The following CSMD2 variants were observed in gnomAD, a reference collection of about 807,000 sequenced individuals.
CSMD2 encodes CUB and sushi domain-containing protein 2.
Under a neutral mutation model 398.5 loss-of-function variants are expected in CSMD2, and 130 were observed. That is an observed-to-expected ratio of 0.33 (90% CI 0.28 to 0.38). The LOEUF is 0.38. Among genes scored for constraint, CSMD2 ranks in the 10% least tolerant of loss-of-function variants. CSMD2 has a pLI of 1.00. For synonymous variants in CSMD2, 1,828 were observed against 1,908.5 expected, an observed-to-expected ratio of 0.96 and a Z score of 1.10; for missense variants, 3,829 against 4,764.9, an observed-to-expected ratio of 0.80 and a Z score of 5.78.
chr1:33,910,097 A>G (rs538249779), intron 5 of CSMD2, among the ~76,000 whole-genome samples: 1 of 152,162 alleles, frequency 6.6e-6, no homozygotes, highest in South Asian at 2.1e-4. Context: ...CAGAGTCACA[A>G]AAAAAGTTTT....
intron 2 of CSMD2, among the ~76,000 whole-genome samples, chr1:34,053,266 G>A (rs769664947): frequency 1.6e-4 from 24 of 152,198 alleles, no homozygotes; most frequent in Non-Finnish European, 2.2e-4. Flanking sequence ...AATTGATACC[G>A]TAAGTGACCT....
At chr1:34,086,229 T>A (rs983415918) in intron 2 of CSMD2, among the ~76,000 whole-genome samples, 2 of 152,012 alleles carry the variant, frequency 1.3e-5, no homozygotes, top group African/African-American at 2.4e-5. Context: ...TCAACATTCA[T>A]CAAAAGTCTA....
At chr1:33,735,819 A>C (rs551972610) in intron 15 of CSMD2, among the ~76,000 whole-genome samples, 1 of 152,356 alleles carries the variant, frequency 6.6e-6, no homozygotes, top group South Asian at 2.1e-4. Flanking sequence ...GGGACACTTA[A>C]TCAAAAACAA....
intron 4 of CSMD2, among the ~76,000 whole-genome samples, chr1:33,929,819 G>A (rs899929371): frequency 6.6e-6 from 1 of 150,984 alleles, no homozygotes; most frequent in Non-Finnish European, 1.5e-5. Flanking sequence ...CAGGGCCTTT[G>A]CACTTGCTGC....
At chr1:33,965,365 G>A (rs1037184590) in intron 3 of CSMD2, among the ~76,000 whole-genome samples, 2 of 152,150 alleles carry the variant, frequency 1.3e-5, no homozygotes, top group African/African-American at 2.4e-5. Flanking sequence ...TTATGCAAGA[G>A]AACAAATGCA....
At chr1:34,075,761 C>T (rs1328129719) in intron 2 of CSMD2, among the ~76,000 whole-genome samples, 1 of 152,204 alleles carries the variant, frequency 6.6e-6, no homozygotes, top group Non-Finnish European at 1.5e-5. Flanking sequence ...AACTGCAATG[C>T]AATAGGATGT....
intron 6 of CSMD2, among the ~76,000 whole-genome samples, chr1:33,826,637 C>T (rs191556374): frequency 3.9e-5 from 6 of 152,340 alleles, no homozygotes; most frequent in African/African-American, 1.4e-4. Context: ...TAAGTCCAGC[C>T]TAGTCCTCAG....
At chr1:33,674,744 T>C (rs1302961415) in intron 25 of CSMD2, among the ~76,000 whole-genome samples, 1 of 152,096 alleles carries the variant, frequency 6.6e-6, no homozygotes, top group East Asian at 1.9e-4. Flanking sequence ...AGAACAGAAA[T>C]TATAACAAAC....
intron 67 of CSMD2, among the ~76,000 whole-genome samples, chr1:33,522,998 C>A (rs958067360): frequency 3.9e-5 from 6 of 152,218 alleles, no homozygotes; most frequent in Non-Finnish European, 7.3e-5. Context: ...CACATTAATA[C>A]CTTCAACTAG....
In CSMD2 at chr1:33,810,608, A is replaced by AT. The variant is rs1656752825; in HGVS notation, c.1446+134dup. 1.1e-5 allele frequency: 8 copies of AT among 731,942 alleles called. 1 individual carries two copies. The South Asian group carries it at 1.2e-4, about 11-fold the overall frequency. 45.3% of individuals were successfully genotyped at this position (731,942 alleles called of 1,614,324 possible). A position where few individuals can be genotyped will look rare whatever the true frequency, so the allele number is the denominator to read the frequency against. On this transcript the variant is annotated intron_variant, in intron 10 of 70. Coordinates refer to ENST00000373381, the MANE Select transcript of CSMD2 (RefSeq NM_001281956.2). ...TCTGCTTTTTATCCACTCGATATTA[A>AT]TAAAAAAAAAAGTAAAAGAACTGTC...
intron 44 of CSMD2, chr1:33,599,087 G>C (rs1182012113): frequency 6.6e-6 from 1 of 152,264 alleles, no homozygotes; most frequent in Non-Finnish European, 1.5e-5. Flanking sequence ...CACCTTGGGG[G>C]TTAGGATGTC....
At chr1:34,012,954 C>T (rs1348321062) in intron 3 of CSMD2, among the ~76,000 whole-genome samples, 1 of 152,162 alleles carries the variant, frequency 6.6e-6, no homozygotes, top group East Asian at 1.9e-4. Context: ...CCTGGGGTTC[C>T]CATCTGCAAT....
At chr1:33,978,362 C>A (rs903921110) in intron 3 of CSMD2, among the ~76,000 whole-genome samples, 2 of 152,098 alleles carry the variant, frequency 1.3e-5, no homozygotes, top group East Asian at 3.9e-4. Flanking sequence ...TATTTAGCAC[C>A]GTGTTCCAGG....
intron 1 of CSMD2, among the ~76,000 whole-genome samples, chr1:34,137,334 G>A (rs562905540): frequency 4.9e-4 from 75 of 151,862 alleles, no homozygotes; most frequent in African/African-American, 1.8e-3. Context: ...TTTTCAACAA[G>A]GCCCACTAAG....
intron 10 of CSMD2, chr1:33,805,038 C>T: frequency 1.6e-6 from 1 of 617,342 alleles, no homozygotes; most frequent in Non-Finnish European, 2.9e-6. Flanking sequence ...TCTTTAGAAA[C>T]TCAGGCTGGT....
intron 25 of CSMD2, among the ~76,000 whole-genome samples, chr1:33,669,932 A>G (rs913976620): frequency 6.6e-6 from 1 of 152,206 alleles, no homozygotes. Flanking sequence ...AAGCTATGAG[A>G]CACATGAGAC....
At chr1:33,557,130 C>G (rs1021772672) in intron 55 of CSMD2, among the ~76,000 whole-genome samples, 1 of 152,192 alleles carries the variant, frequency 6.6e-6, no homozygotes, top group African/African-American at 2.4e-5. Flanking sequence ...GTACCAGATA[C>G]TATGCTGGGA....
chr1:33,657,287 G>A (rs976418715), intron 27 of CSMD2, among the ~76,000 whole-genome samples: 3 of 152,146 alleles, frequency 2.0e-5, no homozygotes, highest in Non-Finnish European at 2.9e-5. Flanking sequence ...GCAACATAGT[G>A]AGACTCCATC....
intron 12 of CSMD2, among the ~76,000 whole-genome samples, chr1:33,782,228 G>A (rs779326366): frequency 1.4e-4 from 22 of 151,744 alleles, no homozygotes; most frequent in Non-Finnish European, 2.9e-4. Flanking sequence ...TGTCTATCCT[G>A]TGTGGAACTC....
Sources: allele counts gnomAD v4.1 joint callset (sites outside exome capture counted in the v4.1 genomes callset), GRCh38; gene constraint gnomAD v4.1.1; transcripts MANE v1.5; gene names NCBI Gene and HGNC (gene_info 2026-07-23, HGNC 2026-07-21).